STXBP5L: variants seen among roughly 807,000 people sequenced by gnomAD.
STXBP5L encodes syntaxin-binding protein 5-like.
A neutral mutation model predicts 144.5 loss-of-function variants in STXBP5L; 65 were observed. The observed-to-expected ratio is 0.45, with a 90% CI of 0.37 to 0.55. The LOEUF (loss-of-function observed/expected upper bound fraction) is 0.55. Ranked by LOEUF, STXBP5L falls within the 20% of genes least tolerant of loss-of-function variation. The pLI is 0.00. For synonymous variants in STXBP5L, 505 were observed against 469.6 expected (o/e 1.08, Z -0.97); for missense variants, 1,298 against 1,405.5 (o/e 0.92, Z 1.22).
At chr3:121,201,476 G>C (rs2048136138) in intron 9 of STXBP5L, among the ~76,000 whole-genome samples, 1 of 152,028 alleles carries the variant, frequency 6.6e-6, no homozygotes, top group African/African-American at 2.4e-5. Flanking sequence ...CAATTTATCT[G>C]TCTTGTCTTT....
At chr3:120,983,907 C>T (rs1261768909) in intron 3 of STXBP5L, among the ~76,000 whole-genome samples, 1 of 152,204 alleles carries the variant, frequency 6.6e-6, no homozygotes, top group Non-Finnish European at 1.5e-5. Flanking sequence ...GGAAGAGGCA[C>T]CTACTAGCTG....
chr3:121,213,675 T>A lies in STXBP5L; in HGVS notation c.956+7674T>A, dbSNP rs531374872. Among the ~76,000 whole-genome samples, 15 of 152,188 alleles carry A rather than the reference T, an allele frequency of 9.9e-5. No individual in the cohort carries two copies. The East Asian group carries it at 2.9e-3, about 29-fold the overall frequency. ...CAGGGATATTGGCCTGAAATTTTGTTGTTGTTGTTGTGTCTCTGCCAGGTT... is the reference window on the plus strand; with the variant it reads ...CAGGGATATTGGCCTGAAATTTTGTAGTTGTTGTTGTGTCTCTGCCAGGTT... On this transcript the variant is annotated intron_variant, in intron 10 of 26. Transcript: ENST00000471454.
chr3:121,351,857 T>C (rs1186383229), intron 20 of STXBP5L, among the ~76,000 whole-genome samples: 1 of 152,174 alleles, frequency 6.6e-6, no homozygotes, highest in Non-Finnish European at 1.5e-5. Flanking sequence ...AATGAATTTT[T>C]GTATAAGGTG....
Position 121,004,448 on chromosome 3 carries a change from G to T in STXBP5L, c.288-37252G>T, listed in dbSNP as rs560401878. Reference sequence around the variant, plus strand: ...TTGCCTATCAGCTTAAGGAGATTTGGGGCTGAGACAATGGGGTTTTCTAGA... The same window carrying T: ...TTGCCTATCAGCTTAAGGAGATTTGTGGCTGAGACAATGGGGTTTTCTAGA... On this transcript the variant is annotated intron_variant, in intron 3 of 26. Transcript: ENST00000471454. Among the ~76,000 whole-genome samples, 18 of 151,802 alleles carry T rather than the reference G, an allele frequency of 1.2e-4. No individual in the cohort carries two copies. In the East Asian group the frequency reaches 3.5e-3, roughly 29 times the overall value.
intron 5 of STXBP5L, among the ~76,000 whole-genome samples, chr3:121,082,797 C>T (rs1005482204): frequency 6.6e-6 from 1 of 152,178 alleles, no homozygotes; most frequent in Non-Finnish European, 1.5e-5. Flanking sequence ...ATTTAGTGAA[C>T]AACATTGATT....
chr3:121,059,067 T>TA (rs747224278), intron 5 of STXBP5L, among the ~76,000 whole-genome samples: 1 of 152,224 alleles, frequency 6.6e-6, no homozygotes, highest in African/African-American at 2.4e-5. Context: ...TCCTGAACAG[T>TA]ATTGCCTAGA....
At chr3:121,185,753 T>G (rs970913223) in intron 9 of STXBP5L, among the ~76,000 whole-genome samples, 1 of 152,340 alleles carries the variant, frequency 6.6e-6, no homozygotes, top group South Asian at 2.1e-4. Flanking sequence ...ATTTATTCTT[T>G]TGGCTTAGGA....
intron 1 of STXBP5L, 144 bp downstream of exon 1, chr3:120,908,478 A>T (rs1201571766): frequency 6.3e-6 from 1 of 158,534 alleles, no homozygotes; most frequent in Non-Finnish European, 1.4e-5. Context: ...AGAGACAGAG[A>T]CAGAGAGCGA....
chr3:120,974,651 TC>T (rs1254899720), intron 3 of STXBP5L, among the ~76,000 whole-genome samples: 3 of 152,246 alleles, frequency 2.0e-5, no homozygotes, highest in Admixed American at 2.0e-4. Flanking sequence ...GCGTAGGTTT[TC>T]TTCTAGGGTT....
chr3:120,949,273 T>C (rs1010465680), intron 2 of STXBP5L, among the ~76,000 whole-genome samples: 14 of 152,016 alleles, frequency 9.2e-5, no homozygotes, highest in Non-Finnish European at 2.1e-4. Flanking sequence ...TATTTTTATT[T>C]TTTGCTGATT....
intron 3 of STXBP5L, among the ~76,000 whole-genome samples, chr3:120,967,103 G>T (rs1383356299): frequency 6.6e-6 from 1 of 152,110 alleles, no homozygotes; most frequent in African/African-American, 2.4e-5. Context: ...GACCCACTGA[G>T]CCAGGCACGA....
intron 3 of STXBP5L, among the ~76,000 whole-genome samples, chr3:121,026,620 T>A (rs1219793879): frequency 6.6e-6 from 1 of 151,910 alleles, no homozygotes; most frequent in Non-Finnish European, 1.5e-5. Flanking sequence ...GATGACAAAG[T>A]TTGATGAACA....
At chr3:121,000,662 A>G (rs548405973) in intron 3 of STXBP5L, among the ~76,000 whole-genome samples, 1 of 152,340 alleles carries the variant, frequency 6.6e-6, no homozygotes, top group African/African-American at 2.4e-5. Context: ...GGAAGCTAAT[A>G]TGGTCATTTG....
chr3:121,079,205 A>G (rs1413029991), intron 5 of STXBP5L, among the ~76,000 whole-genome samples: 1 of 152,274 alleles, frequency 6.6e-6, no homozygotes, highest in Non-Finnish European at 1.5e-5. Flanking sequence ...GCCCTGAAGA[A>G]AGGGCTTTTC....
chr3:121,243,532 A>G (rs1559899070), intron 14 of STXBP5L, among the ~76,000 whole-genome samples: 1 of 150,456 alleles, frequency 6.6e-6, no homozygotes, highest in Non-Finnish European at 1.5e-5. Context: ...ACATGGCCCA[A>G]TCAAAGAGAC....
intron 19 of STXBP5L, among the ~76,000 whole-genome samples, chr3:121,304,041 G>A (rs1255446615): frequency 5.3e-5 from 8 of 150,882 alleles, no homozygotes; most frequent in South Asian, 2.1e-4. Flanking sequence ...AAAAAAATAC[G>A]TTGAAAGTAA....
chr3:121,318,634 T>A, intron 20 of STXBP5L, 94 bp downstream of exon 20: 1 of 901,618 alleles, frequency 1.1e-6, no homozygotes, highest in Non-Finnish European at 1.6e-6. Context: ...AATTTATAAT[T>A]TTAGTAATTA....
At chr3:120,925,506 A>G (rs1265614159) in intron 2 of STXBP5L, among the ~76,000 whole-genome samples, 1 of 152,064 alleles carries the variant, frequency 6.6e-6, no homozygotes, top group Admixed American at 6.5e-5. Context: ...TTCCAGTTGC[A>G]TGGAATATCT....
chr3:121,419,243 T>A lies in STXBP5L; in HGVS notation c.*146T>A. 1 of 799,794 alleles carries A rather than the reference T, an allele frequency of 1.3e-6. No homozygotes were observed. The highest frequency in any genetic ancestry group is 1.9e-6 in the Non-Finnish European group (1 of 527,464). 49.5% of individuals were successfully genotyped at this position (799,794 alleles called of 1,614,324 possible). ...ATCTGAAATTTTCATAAAAGAGATGTATCAGAGACACTGTGCAACCCAAAG... is the reference window on the plus strand; with the variant it reads ...ATCTGAAATTTTCATAAAAGAGATGAATCAGAGACACTGTGCAACCCAAAG... On this transcript the variant is annotated 3_prime_UTR_variant, in exon 27 of 27. Coordinates refer to ENST00000471454, the MANE Select transcript of STXBP5L (RefSeq NM_001308330.2).
Sources: allele counts gnomAD v4.1 joint callset (sites outside exome capture counted in the v4.1 genomes callset), GRCh38; gene constraint gnomAD v4.1.1; transcripts MANE v1.5; gene names NCBI Gene and HGNC (gene_info 2026-07-23, HGNC 2026-07-21).